DLST: variants seen among roughly 807,000 people sequenced by gnomAD.
The protein encoded by DLST is dihydrolipoyllysine-residue succinyltransferase component of 2-oxoglutarate dehydrogenase complex, mitochondrial.
DLST carries 17 observed loss-of-function variants against 53.1 expected under a neutral mutation model. The observed-to-expected ratio is 0.32, with a 90% CI of 0.22 to 0.48. The LOEUF (loss-of-function observed/expected upper bound fraction) is 0.48. Ranked by LOEUF, DLST falls within the 20% of genes least tolerant of loss-of-function variation. The pLI is 0.99. For synonymous variants in DLST, 206 were observed against 204.8 expected (o/e 1.01, Z -0.05); for missense variants, 512 against 583.9 (o/e 0.88, Z 1.27).
At chr14:74,888,420 C>T (rs1305601454) in intron 3 of DLST, among the ~76,000 whole-genome samples, 2 of 151,864 alleles carry the variant, frequency 1.3e-5, no homozygotes, top group Non-Finnish European at 2.9e-5. Context: ...CTGGGCAGGC[C>T]GTAAATCTAT....
chr14:74,902,450 C>A lies in DLST; in HGVS notation c.*120C>A. The A allele has an allele frequency of 7.6e-7, 1 of 1,313,354 alleles. No individual in the cohort carries two copies. Among genetic ancestry groups the A allele is most frequent in the Middle Eastern group, 2.9e-4 (1 of 3,496 alleles). The allele number at this position is 1,313,354 out of a possible 1,614,324, so 81.4% of individuals were successfully genotyped here. A position where few individuals can be genotyped will look rare whatever the true frequency, so the allele number is the denominator to read the frequency against. The stretch of plus-strand genomic sequence containing the variant: ...GCAGACACATGCTGTTGGCCTCAAG[C>A]AAGGAAGCAGAGCACTGTGTAACCA... On this transcript the variant is annotated 3_prime_UTR_variant, in exon 15 of 15. Transcript: ENST00000334220.
intron 6 of DLST, among the ~76,000 whole-genome samples, 198 bp downstream of exon 6, chr14:74,890,150 G>GGC (rs1265971478): frequency 2.3e-5 from 1 of 43,250 alleles, no homozygotes; most frequent in African/African-American, 2.7e-4. Context: ...TTTTTTTTGA[G>GGC]ACAGACTTGC....
chr14:74,886,435 T>G (rs1216889459), intron 3 of DLST, among the ~76,000 whole-genome samples: 1 of 152,050 alleles, frequency 6.6e-6, no homozygotes, highest in East Asian at 1.9e-4. Context: ...CAAGAGATCC[T>G]TTCACCTCAG....
Position 74,894,665 on chromosome 14 carries a change from C to T in DLST, c.770+256C>T, listed in dbSNP as rs141985585. 1.1e-3 allele frequency among the ~76,000 whole-genome samples: 166 copies of T among 152,232 alleles called. 1 individual carries two copies. The highest frequency in any genetic ancestry group is 3.9e-3 in the African/African-American group (162 of 41,544). ...GGTTCACGCCATTCTCCTGCCTCAG[C>T]CTCCAGAGTAGCTGGGAATACAGGC... On this transcript the variant is annotated intron_variant, in intron 10 of 14. Transcript: ENST00000334220.
In DLST at chr14:74,891,140, C is replaced by T; in HGVS notation, c.415C>T (p.Pro139Ser). 6.2e-7 allele frequency: 1 copy of T among 1,614,158 alleles called. No homozygotes were observed. Among genetic ancestry groups the T allele is most frequent in the Non-Finnish European group, 8.5e-7 (1 of 1,180,008 alleles). Residue 139 changes from proline (P) to serine (S), a missense_variant, in exon 7 of 15, where the codon CCA (proline) becomes TCA (serine). This residue lies in a region of DLST where 162 missense variants were observed against 162.0 expected (regional missense o/e 1.00). Transcript: ENST00000334220. ...TGGGGGAAAAGTCGAAGGAGGCACT[C>T]CACTTTTCACACTCAGGAAAACTGG... ...PDGGKVEGGT[P>S]LFTLRKTGAA...
chr14:74,889,366 T>TA lies in DLST; in HGVS notation c.274+18dup. On this transcript the variant is annotated intron_variant, in intron 5 of 14. Coordinates refer to ENST00000334220, the MANE Select transcript of DLST (RefSeq NM_001933.5). ...GGGAGAAAGGTAAGATTTAGTTTCC[T>TA]ATTTTTTTTTTTTTTTTTTTTGAGA... 1 of 1,446,558 alleles carries TA rather than the reference T, an allele frequency of 6.9e-7. No individual in the cohort carries two copies. Among genetic ancestry groups the TA allele is most frequent in the Non-Finnish European group, 9.3e-7 (1 of 1,075,900 alleles). The allele number at this position is 1,446,558 out of a possible 1,614,324, so 89.6% of individuals were successfully genotyped here. A position where few individuals can be genotyped will look rare whatever the true frequency, so the allele number is the denominator to read the frequency against.
At position 74,898,455 on chromosome 14, in the gene DLST, A is replaced by G. The variant is rs1248074893; in HGVS notation, c.857A>G (p.Lys286Arg). The G allele has an allele frequency of 1.2e-6, 2 of 1,614,000 alleles. No individual in the cohort carries two copies. Among genetic ancestry groups the G allele is most frequent in the African/African-American group, 2.7e-5 (2 of 74,918 alleles). ...CTAGGCTTCATGTCGGCATTTGTGA[A>G]GGCCTCAGCCTTTGCCTTGCAGGAA... ...LKLGFMSAFV[K>R]ASAFALQEQP... Residue 286 changes from lysine (K) to arginine (R), a missense_variant, in exon 11 of 15, where the codon AAG (lysine) becomes AGG (arginine). Physicochemically the swap from Lys to Arg is conservative, Grantham distance 26 (BLOSUM62 2). Around this residue, in one of 4 missense-constraint regions of DLST, gnomAD observed 186 missense variants for 260.4 expected, o/e 0.71. Coordinates refer to ENST00000334220, the MANE Select transcript of DLST (RefSeq NM_001933.5).
intron 5 of DLST, chr14:74,889,613 T>C (rs1165658605): frequency 5.6e-6 from 3 of 536,958 alleles, no homozygotes; most frequent in Non-Finnish European, 6.5e-6. Flanking sequence ...TCAGGTGATC[T>C]GCCCACCTCA....
rs1241512286 is a variant in DLST, at chr14:74,902,553, T to G, written c.*223T>G. 4 of 430,448 alleles carry G rather than the reference T, an allele frequency of 9.3e-6. No homozygotes were observed. Among genetic ancestry groups the G allele is most frequent in the Admixed American group, 7.6e-5 (2 of 26,470 alleles). 26.7% of individuals were successfully genotyped at this position (430,448 alleles called of 1,614,324 possible). On this transcript the variant is annotated 3_prime_UTR_variant, in exon 15 of 15. Coordinates refer to ENST00000334220, the MANE Select transcript of DLST (RefSeq NM_001933.5). ...TGTCTCATAGCCTCGAATATCTTAA[T>G]TCCTTAGGCTTAAGAGAGAGAGCCT...
chr14:74,895,264 G>A (rs1362645257), intron 10 of DLST, among the ~76,000 whole-genome samples: 3 of 152,196 alleles, frequency 2.0e-5, no homozygotes, highest in Non-Finnish European at 4.4e-5. Flanking sequence ...AAAACAAGTT[G>A]TGTTTTTAAA....
intron 10 of DLST, among the ~76,000 whole-genome samples, chr14:74,896,064 C>T (rs151082885): frequency 1.3e-5 from 2 of 152,118 alleles, no homozygotes; most frequent in African/African-American, 4.8e-5. Flanking sequence ...GCTGTGTTGC[C>T]TAGGCTGGTC....
intron 9 of DLST, among the ~76,000 whole-genome samples, chr14:74,894,024 C>T (rs1555373651): frequency 6.6e-6 from 1 of 152,218 alleles, no homozygotes; most frequent in Non-Finnish European, 1.5e-5. Flanking sequence ...GACTACACTA[C>T]ACTACATTCT....
chr14:74,882,198 C>T (rs1883543963), intron 1 of DLST, among the ~76,000 whole-genome samples, 182 bp downstream of exon 1: 1 of 152,124 alleles, frequency 6.6e-6, no homozygotes, highest in Non-Finnish European at 1.5e-5. Flanking sequence ...TTTGCGGAGC[C>T]CAGCGGCCCC....
At chr14:74,897,627 A>T (rs1349192240) in intron 10 of DLST, among the ~76,000 whole-genome samples, 1 of 152,246 alleles carries the variant, frequency 6.6e-6, no homozygotes, top group East Asian at 1.9e-4. Flanking sequence ...CAGCCATTAA[A>T]CTAATCTTAG....
intron 3 of DLST, among the ~76,000 whole-genome samples, chr14:74,888,819 G>T (rs1471930030): frequency 1.3e-5 from 2 of 152,138 alleles, no homozygotes; most frequent in South Asian, 4.1e-4. Context: ...GTGAGAGTTG[G>T]CATTGCATTG....
Position 74,889,163 on chromosome 14 carries a change from C to T in DLST, c.199+16C>T. ...GCTGTATGCAGTAAGTACCTGCTTT[C>T]TTGGGAATGGAATTTTATGGGAAGA... On this transcript the variant is annotated intron_variant, in intron 4 of 14. Coordinates refer to ENST00000334220, the MANE Select transcript of DLST (RefSeq NM_001933.5). The T allele has an allele frequency of 6.2e-7, 1 of 1,613,824 alleles. No homozygotes were observed. The highest frequency in any genetic ancestry group is 1.3e-5 in the African/African-American group (1 of 74,996).
At chr14:74,884,375 T>C (rs2140185338) in intron 2 of DLST, among the ~76,000 whole-genome samples, 1 of 152,268 alleles carries the variant, frequency 6.6e-6, no homozygotes, top group Middle Eastern at 3.4e-3. Context: ...TCAGTAAACA[T>C]TTTCTCCACT....
intron 2 of DLST, among the ~76,000 whole-genome samples, chr14:74,883,808 C>T (rs1481029653): frequency 1.3e-5 from 2 of 152,202 alleles, no homozygotes; most frequent in Non-Finnish European, 2.9e-5. Flanking sequence ...TCTTAACCCA[C>T]CATGTTCTCA....
Position 74,902,765 on chromosome 14 carries a change from CCT to C in DLST, c.*438_*439del, listed in dbSNP as rs1480131800. 1 of 153,958 alleles carries C rather than the reference CCT, an allele frequency of 6.5e-6. No individual in the cohort carries two copies. Among genetic ancestry groups the C allele is most frequent in the Non-Finnish European group, 1.5e-5 (1 of 68,958 alleles). The allele number at this position is 153,958 out of a possible 1,614,324, so 9.5% of individuals were successfully genotyped here. A position where few individuals can be genotyped will look rare whatever the true frequency, so the allele number is the denominator to read the frequency against. ...GCTGTGCCTCCCAAGCTCAGAGCAG[CCT>C]CTGTCCTGGCTGTGCACATTCTCCC... On this transcript the variant is annotated 3_prime_UTR_variant, in exon 15 of 15. Transcript: ENST00000334220.
Sources: allele counts gnomAD v4.1 joint callset (sites outside exome capture counted in the v4.1 genomes callset), GRCh38; gene constraint gnomAD v4.1.1; regional missense constraint gnomAD v4.1.1; transcripts MANE v1.5; gene names NCBI Gene and HGNC (gene_info 2026-07-23, HGNC 2026-07-21).